ACOXL: variants seen among roughly 807,000 people sequenced by gnomAD.
ACOXL encodes the protein acyl-coenzyme A oxidase-like protein.
In ACOXL, 70 loss-of-function variants were observed where a neutral mutation model predicts 71.9. That is an observed-to-expected ratio of 0.97 (90% CI 0.80 to 1.19). The LOEUF (loss-of-function observed/expected upper bound fraction) is 1.19, where lower values mean the gene tolerates loss of function less well. Among genes scored for constraint, ACOXL ranks in the 50% most tolerant of loss-of-function variants. The pLI, the probability that ACOXL is intolerant of heterozygous loss-of-function variation, is 0.00. For synonymous variants in ACOXL, 253 were observed against 281.6 expected (o/e 0.90, Z 1.02); for missense variants, 703 against 736.3 (o/e 0.95, Z 0.52).
intron 10 of ACOXL, among the ~76,000 whole-genome samples, chr2:110,867,918 A>T (rs1270053726): frequency 1.3e-5 from 2 of 152,058 alleles, no homozygotes; most frequent in African/African-American, 4.8e-5. Flanking sequence ...GCCCACCACC[A>T]CGCTCAGCTA....
At chr2:110,882,479 CAACAT>C (rs1558668422) in intron 10 of ACOXL, among the ~76,000 whole-genome samples, 1 of 151,922 alleles carries the variant, frequency 6.6e-6, no homozygotes, top group African/African-American at 2.4e-5. Flanking sequence ...TCATAAAACC[CAACAT>C]ATTATTTTTT....
At chr2:111,099,541 C>T (rs987328858) in intron 17 of ACOXL, 3 of 152,282 alleles carry the variant, frequency 2.0e-5, no homozygotes, top group African/African-American at 7.2e-5. Context: ...GAGCTGCTCC[C>T]CCTTGCTGCC....
intron 16 of ACOXL, among the ~76,000 whole-genome samples, chr2:111,073,183 A>C (rs2149937643): frequency 6.6e-6 from 1 of 152,334 alleles, no homozygotes; most frequent in Non-Finnish European, 1.5e-5. Context: ...ACTTTTGCAA[A>C]TATCTTCTCC....
chr2:110,819,530 A>G (rs1174459020), intron 9 of ACOXL, among the ~76,000 whole-genome samples: 2 of 152,176 alleles, frequency 1.3e-5, no homozygotes, highest in Admixed American at 6.5e-5. Flanking sequence ...GATGAGCCCA[A>G]GAGGATTATG....
intron 16 of ACOXL, among the ~76,000 whole-genome samples, chr2:111,092,227 C>T (rs71431151): frequency 0.082 from 12,436 of 151,966 alleles, 620 homozygotes; most frequent in Non-Finnish European, 0.11. Context: ...TCTATTTTTG[C>T]GTGATTTTGA....
chr2:110,840,603 G>T (rs561444154), intron 9 of ACOXL, among the ~76,000 whole-genome samples: 2 of 152,112 alleles, frequency 1.3e-5, no homozygotes, highest in African/African-American at 2.4e-5. Flanking sequence ...CCTGACCCTT[G>T]TAATCCCTTC....
chr2:110,892,550 C>T (rs1357932315), intron 10 of ACOXL, among the ~76,000 whole-genome samples: 1 of 152,102 alleles, frequency 6.6e-6, no homozygotes, highest in Non-Finnish European at 1.5e-5. Flanking sequence ...TTAGTTTTTG[C>T]TCGGAGGGGT....
chr2:110,803,536 A>G (rs779874527), intron 8 of ACOXL, among the ~76,000 whole-genome samples: 3 of 152,216 alleles, frequency 2.0e-5, no homozygotes, highest in Non-Finnish European at 4.4e-5. Flanking sequence ...TGGATCACAG[A>G]CCTAAATGTA....
chr2:111,043,260 C>T (rs755219379), intron 15 of ACOXL, among the ~76,000 whole-genome samples: 3 of 152,188 alleles, frequency 2.0e-5, no homozygotes, highest in South Asian at 2.1e-4. Flanking sequence ...CACATCTCAA[C>T]GTGCAGGAGA....
intron 11 of ACOXL, among the ~76,000 whole-genome samples, chr2:110,916,339 A>G (rs1024573484): frequency 6.6e-6 from 1 of 152,166 alleles, no homozygotes. Flanking sequence ...TAAGGCAGAA[A>G]TAAATAAGTT....
chr2:110,829,875 A>G (rs1689608348), intron 9 of ACOXL, among the ~76,000 whole-genome samples: 2 of 152,206 alleles, frequency 1.3e-5, no homozygotes, highest in African/African-American at 4.8e-5. Flanking sequence ...AGTGGGAGTG[A>G]GATAATTATT....
chr2:110,792,748 A>G (rs1490968332), intron 3 of ACOXL, among the ~76,000 whole-genome samples: 5 of 152,180 alleles, frequency 3.3e-5, no homozygotes, highest in Non-Finnish European at 7.4e-5. Flanking sequence ...GCAGTGAGCT[A>G]TGATCATGCC....
At chr2:110,869,787 T>A (rs1695044914) in intron 10 of ACOXL, among the ~76,000 whole-genome samples, 1 of 152,208 alleles carries the variant, frequency 6.6e-6, no homozygotes, top group South Asian at 2.1e-4. Flanking sequence ...CCACTGCCCC[T>A]TGCCGTCCTC....
chr2:110,767,858 G>T (rs1573415428), intron 1 of ACOXL, among the ~76,000 whole-genome samples: 2 of 152,038 alleles, frequency 1.3e-5, no homozygotes, highest in Middle Eastern at 3.4e-3. Flanking sequence ...GGCCAAGGCG[G>T]GTGGATCACA....
chr2:110,929,563 T>C (rs1026467732), intron 11 of ACOXL, among the ~76,000 whole-genome samples: 4 of 152,330 alleles, frequency 2.6e-5, no homozygotes, highest in South Asian at 2.1e-4. Flanking sequence ...CAGAAATTTG[T>C]ATAAATAGTG....
rs562632600 is a variant in ACOXL at position 110,936,714 on chromosome 2, A to G, written c.1059+3072A>G. Among the ~76,000 whole-genome samples, 85 of 152,358 alleles carry G rather than the reference A, an allele frequency of 5.6e-4. 1 individual carries two copies. The South Asian group carries it at 0.017, about 30-fold the overall frequency. On this transcript the variant is annotated intron_variant, in intron 12 of 17. Coordinates refer to ENST00000439055, the MANE Select transcript of ACOXL (RefSeq NM_001142807.4). The stretch of plus-strand genomic sequence containing the variant: ...AGGATACAGATAAACAGCCAGATAA[A>G]GAGATACATCGGCTGAGGTCCAGAA...
At chr2:110,769,361 C>A (rs1170709249) in intron 2 of ACOXL, among the ~76,000 whole-genome samples, 2 of 152,024 alleles carry the variant, frequency 1.3e-5, no homozygotes, top group African/African-American at 4.8e-5. Context: ...AAAAAATATA[C>A]CTCAGCAGGG....
At chr2:111,006,725 A>G (rs1402020518) in intron 14 of ACOXL, among the ~76,000 whole-genome samples, 1 of 151,832 alleles carries the variant, frequency 6.6e-6, no homozygotes, top group Non-Finnish European at 1.5e-5. Flanking sequence ...CGTCTGGCTA[A>G]TTTTTGTATT....
At chr2:110,912,048 A>G (rs987029348) in intron 11 of ACOXL, among the ~76,000 whole-genome samples, 20 of 152,092 alleles carry the variant, frequency 1.3e-4, no homozygotes, top group African/African-American at 4.3e-4. Flanking sequence ...TTGTATTTCT[A>G]TAGACTAGCA....
Sources: allele counts gnomAD v4.1 joint callset (sites outside exome capture counted in the v4.1 genomes callset), GRCh38; gene constraint gnomAD v4.1.1; transcripts MANE v1.5; gene names NCBI Gene and HGNC (gene_info 2026-07-23, HGNC 2026-07-21).